AK5: variants seen among roughly 807,000 people sequenced by gnomAD.
AK5 encodes the protein adenylate kinase 5, also known as adenylate kinase isoenzyme 5.
AK5 carries 27 observed loss-of-function variants against 69.5 expected under a neutral mutation model. The observed-to-expected ratio is 0.39, with a 90% CI of 0.29 to 0.54. AK5 has a LOEUF of 0.54. AK5 is among the 20% of genes least tolerant of loss of function. AK5 has a pLI of 0.71. For missense variants in AK5, 531 were observed against 700.4 expected, an observed-to-expected ratio of 0.76 and a Z score of 2.73; for synonymous variants, 260 against 244.4, an observed-to-expected ratio of 1.06 and a Z score of -0.60.
intron 3 of AK5, among the ~76,000 whole-genome samples, chr1:77,296,795 AT>A (rs1288410060): frequency 6.6e-6 from 1 of 152,186 alleles, no homozygotes; most frequent in Non-Finnish European, 1.5e-5. Flanking sequence ...TCTTTAATCC[AT>A]TTTAATTTTA....
intron 9 of AK5, among the ~76,000 whole-genome samples, chr1:77,484,770 C>A (rs970994336): frequency 2.0e-5 from 3 of 152,010 alleles, no homozygotes; most frequent in Non-Finnish European, 4.4e-5. Flanking sequence ...AATGCATTGC[C>A]TATATATCTA....
intron 8 of AK5, among the ~76,000 whole-genome samples, chr1:77,434,152 A>C (rs146259296): frequency 0.019 from 2,853 of 148,828 alleles, 90 homozygotes; most frequent in African/African-American, 0.066. Flanking sequence ...AAATAAATAA[A>C]ATTTGATGAA....
At chr1:77,332,352 A>G (rs1661133092) in intron 5 of AK5, among the ~76,000 whole-genome samples, 1 of 150,202 alleles carries the variant, frequency 6.7e-6, no homozygotes. Flanking sequence ...TCTACTCTTT[A>G]TCTTTTCTTC....
intron 10 of AK5, among the ~76,000 whole-genome samples, chr1:77,503,899 CA>C (rs147784897): frequency 4.4e-5 from 6 of 135,196 alleles, no homozygotes; most frequent in Admixed American, 7.6e-5. Context: ...GAGACTGTCT[CA>C]AAAAAAAAAG....
At chr1:77,315,218 C>T (rs1042270854) in intron 5 of AK5, among the ~76,000 whole-genome samples, 3 of 152,006 alleles carry the variant, frequency 2.0e-5, no homozygotes, top group African/African-American at 4.8e-5. Context: ...CTTATCCTTC[C>T]AGAGATATTT....
intron 6 of AK5, among the ~76,000 whole-genome samples, chr1:77,352,245 A>G (rs574606665): frequency 6.6e-6 from 1 of 152,202 alleles, no homozygotes; most frequent in Non-Finnish European, 1.5e-5. Flanking sequence ...AAGTAGTTCT[A>G]TGAAAAATGG....
At chr1:77,518,537 A>G in intron 10 of AK5, 27 bp from the exon 11 acceptor site, 1 of 1,610,540 alleles carries the variant, frequency 6.2e-7, no homozygotes, top group African/African-American at 1.3e-5. Context: ...CTTGGAATGC[A>G]TGTCTGACAC....
intron 6 of AK5, chr1:77,371,468 G>A (rs1192447631): frequency 6.6e-6 from 1 of 152,228 alleles, no homozygotes; most frequent in Non-Finnish European, 1.5e-5. Flanking sequence ...AGTCCTGCTG[G>A]TAAGTCCTTC....
chr1:77,330,072 A>G (rs559933166), intron 5 of AK5, among the ~76,000 whole-genome samples: 1 of 152,332 alleles, frequency 6.6e-6, no homozygotes, highest in Admixed American at 6.5e-5. Context: ...TCAGAATTGT[A>G]GCAGAGTGAA....
At chr1:77,417,390 A>G (rs1274461477) in intron 7 of AK5, among the ~76,000 whole-genome samples, 1 of 152,168 alleles carries the variant, frequency 6.6e-6, no homozygotes, top group Non-Finnish European at 1.5e-5. Context: ...TGAACCTTTA[A>G]TAATAACTCT....
intron 8 of AK5, among the ~76,000 whole-genome samples, chr1:77,449,367 A>T (rs1652993042): frequency 6.6e-6 from 1 of 152,178 alleles, no homozygotes; most frequent in South Asian, 2.1e-4. Context: ...ACCCTGCTGG[A>T]TTTCAGAGTT....
chr1:77,368,154 C>T (rs1288912867), intron 6 of AK5, among the ~76,000 whole-genome samples: 1 of 128,576 alleles, frequency 7.8e-6, no homozygotes, highest in African/African-American at 2.8e-5. Flanking sequence ...AATTTACCAG[C>T]ATTGTAGCCC....
chr1:77,468,948 T>C (rs777314223), intron 8 of AK5, among the ~76,000 whole-genome samples: 1 of 152,232 alleles, frequency 6.6e-6, no homozygotes, highest in Non-Finnish European at 1.5e-5. Flanking sequence ...AGCTGTCTTC[T>C]GCATTGTCTT....
At chr1:77,510,993 C>T (rs938952012) in intron 10 of AK5, among the ~76,000 whole-genome samples, 1 of 148,564 alleles carries the variant, frequency 6.7e-6, no homozygotes, top group African/African-American at 2.5e-5. Context: ...TATATATTTA[C>T]ATTATATATA....
intron 11 of AK5, among the ~76,000 whole-genome samples, chr1:77,519,390 C>A (rs1349727478): frequency 6.6e-6 from 1 of 152,144 alleles, no homozygotes; most frequent in East Asian, 1.9e-4. Context: ...GGAAAACAGA[C>A]CATTACAGCT....
At chr1:77,291,035 C>T (rs1325968901) in intron 2 of AK5, among the ~76,000 whole-genome samples, 2 of 152,100 alleles carry the variant, frequency 1.3e-5, no homozygotes, top group African/African-American at 4.8e-5. Flanking sequence ...ATACTTGGAG[C>T]AGAAAGCTAA....
chr1:77,525,728 T>G (rs892007538), intron 12 of AK5, among the ~76,000 whole-genome samples: 1 of 152,202 alleles, frequency 6.6e-6, no homozygotes, highest in Admixed American at 6.5e-5. Context: ...TTCCAAACCA[T>G]ACTAGCATCC....
intron 5 of AK5, among the ~76,000 whole-genome samples, chr1:77,339,458 C>T (rs866732756): frequency 1.3e-5 from 2 of 152,034 alleles, no homozygotes; most frequent in Non-Finnish European, 2.9e-5. Flanking sequence ...GACCTTTGGG[C>T]CTTTTAGTGC....
intron 6 of AK5, among the ~76,000 whole-genome samples, chr1:77,341,944 G>A (rs1233479717): frequency 6.6e-6 from 1 of 152,108 alleles, no homozygotes; most frequent in African/African-American, 2.4e-5. Context: ...TGTCACCTGG[G>A]CTGGAGTGCA....
Sources: allele counts gnomAD v4.1 joint callset (sites outside exome capture counted in the v4.1 genomes callset), GRCh38; gene constraint gnomAD v4.1.1; transcripts MANE v1.5; gene names NCBI Gene and HGNC (gene_info 2026-07-23, HGNC 2026-07-21).